Variants in FOXP3 observed in about 807,000 individuals in gnomAD.
FOXP3 encodes the protein forkhead box protein P3.
A neutral mutation model predicts 31.2 loss-of-function variants in FOXP3; 5 were observed. The ratio of observed to expected loss-of-function variants is 0.16; its 90% CI spans 0.08 to 0.34. FOXP3 has a LOEUF of 0.34. Ranked by LOEUF, FOXP3 falls within the 10% of genes least tolerant of loss-of-function variation. The pLI is 1.00. For missense variants in FOXP3, 251 were observed against 363.0 expected (o/e 0.69, Z 2.51); for synonymous variants, 141 against 148.8 (o/e 0.95, Z 0.38).
At chrX:49,257,238 A>AT (rs1557116510) in intron 4 of FOXP3, among the ~76,000 whole-genome samples, 189 bp downstream of exon 4, 3 of 112,266 alleles carry the variant, frequency 2.7e-5, no homozygotes, top group Non-Finnish European at 5.6e-5. Context: ...TGGTTTTGTG[A>AT]TTTTGACATT....
At chrX:49,264,580 CT>C (rs2066129283) in intron 1 of FOXP3, 80 bp downstream of exon 1, 1 of 612,102 alleles carries the variant, frequency 1.6e-6, no homozygotes, top group South Asian at 8.6e-5. Flanking sequence ...CAGAGGGCCC[CT>C]GACCCCCCCG....
chrX:49,256,951 T>C lies in FOXP3; in HGVS notation c.516A>G (p.Pro172=), dbSNP rs2066077701. The C allele has an allele frequency of 2.5e-6, 3 of 1,210,020 alleles. No individual in the cohort carries two copies. The African/African-American group carries it at 5.2e-5, about 21-fold the overall frequency. The change falls in exon 5 of 12, where the codon CCA becomes CCG. Residue 172 remains proline, a synonymous_variant. Coordinates refer to ENST00000376207, the MANE Select transcript of FOXP3 (RefSeq NM_014009.4). ...TGTCCTTCCTGGGTGCACTGGGATT[T>C]GGGAAGGTGCAGAGCAGTGCCGGCT... ...SREPALLCTF[P]NPSAPRKDST... is the part of the protein sequence containing the mutation.
Position 49,257,867 on chromosome X carries a change from T to C in FOXP3, c.211-99A>G, listed in dbSNP as rs1054922263. 25 of 645,502 alleles carry C rather than the reference T, an allele frequency of 3.9e-5. No individual in the cohort carries two copies. In the African/African-American group the frequency reaches 5.2e-4, roughly 13 times the overall value. 53.2% of individuals were successfully genotyped at this position (645,502 alleles called of 1,213,427 possible). On this transcript the variant is annotated intron_variant, in intron 2 of 11. Coordinates refer to ENST00000376207, the MANE Select transcript of FOXP3 (RefSeq NM_014009.4). ...CTGCAAGCCCACATGGTAGATGCTA[T>C]GATCATCCCCCTTTTACACGTATGG... is the stretch of plus-strand genomic sequence containing the variant.
chrX:49,257,653 A>T lies in FOXP3; in HGVS notation c.315+11T>A. 1 of 1,178,022 alleles carries T rather than the reference A, an allele frequency of 8.5e-7. No homozygotes were observed. Among genetic ancestry groups the T allele is most frequent in the Non-Finnish European group, 1.1e-6 (1 of 877,878 alleles). ...CCTGCTCCCTCCTCCCTGCCCATTC[A>T]CCGTCCATACCTGGTGCATGAAATG... On this transcript the variant is annotated intron_variant, in intron 3 of 11. Coordinates refer to ENST00000376207, the MANE Select transcript of FOXP3 (RefSeq NM_014009.4).
At chrX:49,258,722 AC>A (rs2066092230) in intron 1 of FOXP3, among the ~76,000 whole-genome samples, 195 bp from the exon 2 acceptor site, 1 of 111,331 alleles carries the variant, frequency 9.0e-6, no homozygotes, top group African/African-American at 3.3e-5. Context: ...GAACACAGGT[AC>A]ATGTACATAC....
intron 1 of FOXP3, chrX:49,259,381 G>C: frequency 2.0e-6 from 1 of 491,900 alleles, no homozygotes; most frequent in Non-Finnish European, 3.7e-6. Flanking sequence ...GTCCAGGAGT[G>C]TGATCATGCA....
chrX:49,255,889 G>C, intron 6 of FOXP3, 87 bp from the exon 7 acceptor site: 1 of 828,113 alleles, frequency 1.2e-6, no homozygotes, highest in Non-Finnish European at 1.8e-6. Context: ...AGACCCTCTG[G>C]GAGTTCTCTC....
chrX:49,254,182 A>G (rs2066052981), intron 8 of FOXP3, 115 bp from the exon 9 acceptor site: 1 of 900,081 alleles, frequency 1.1e-6, no homozygotes, highest in Admixed American at 3.3e-5. Context: ...CCCAGGCTGG[A>G]GTGCAGTGGT....
In FOXP3 at chrX:49,250,797, T is replaced by A; in HGVS notation, c.*537A>T. On this transcript the variant is annotated 3_prime_UTR_variant, in exon 12 of 12. Transcript: ENST00000376207. ...TCTGGGCACACCCCTGTGTTGACAG[T>A]GCCCCTGTGGGCCCTGAGGCTGGCT... The A allele has an allele frequency of 4.3e-6, 1 of 232,044 alleles. No homozygotes were observed. The highest frequency in any genetic ancestry group is 7.9e-6 in the Non-Finnish European group (1 of 126,238). 19.1% of individuals were successfully genotyped at this position (232,044 alleles called of 1,213,427 possible).
chrX:49,252,904 T>C (rs1186371601), intron 10 of FOXP3, among the ~76,000 whole-genome samples: 1 of 109,981 alleles, frequency 9.1e-6, no homozygotes, highest in Non-Finnish European at 1.9e-5. Context: ...TTTGGCATGC[T>C]CTGGCCTGGA....
chrX:49,255,220 T>TA (rs2066061491), intron 8 of FOXP3, among the ~76,000 whole-genome samples: 1 of 112,599 alleles, frequency 8.9e-6, no homozygotes. Flanking sequence ...GTGCTGGGAT[T>TA]ACAGGCGTGA....
rs1557115621 is a variant in FOXP3, at chrX:49,251,771, A to G, written c.1045-6T>C. 1.7e-6 allele frequency: 2 copies of G among 1,199,278 alleles called. No homozygotes were observed. Among genetic ancestry groups the G allele is most frequent in the East Asian group, 5.9e-5 (2 of 33,802 alleles). On this transcript the variant is annotated splice_polypyrimidine_tract_variant and splice_region_variant and intron_variant, in intron 10 of 11. Transcript: ENST00000376207. ...TCTGGAGCCTCCAGGATGGCCTGGA[A>G]GTTGGGGGGTGGGGTAAGGGGCACA...
Position 49,251,302 on chromosome X carries a change from G to A in FOXP3, c.*32C>T. 1.7e-6 allele frequency: 2 copies of A among 1,200,226 alleles called. No homozygotes were observed. Among genetic ancestry groups the A allele is most frequent in the Non-Finnish European group, 2.2e-6 (2 of 889,217 alleles). On this transcript the variant is annotated 3_prime_UTR_variant, in exon 12 of 12. Transcript: ENST00000376207. ...TCTGCCTCCCACCAGTTTGGCCCCT[G>A]TTCGTCCATCCTCCTTTCCTTGATC... is the stretch of plus-strand genomic sequence containing the variant.
intron 7 of FOXP3, 41 bp downstream of exon 7, chrX:49,255,674 G>T: frequency 8.6e-7 from 1 of 1,168,440 alleles, no homozygotes; most frequent in Non-Finnish European, 1.2e-6. Flanking sequence ...AAGGTTTTGC[G>T]CACTATCCCT....
At chrX:49,259,545 C>T (rs1452879634) in intron 1 of FOXP3, among the ~76,000 whole-genome samples, 1 of 110,701 alleles carries the variant, frequency 9.0e-6, no homozygotes, top group Non-Finnish European at 1.9e-5. Context: ...CAAATGCCCA[C>T]TCCTTCTCCT....
chrX:49,252,937 C>T (rs904377608), intron 10 of FOXP3, among the ~76,000 whole-genome samples, 189 bp downstream of exon 10: 1 of 109,407 alleles, frequency 9.1e-6, no homozygotes, highest in East Asian at 2.9e-4. Flanking sequence ...TTTGGATTTG[C>T]GGACAGGTTT....
At chrX:49,256,220 AAGAGAGAGAGAGAG>A (rs782303757) in intron 6 of FOXP3, among the ~76,000 whole-genome samples, 938 of 67,004 alleles carry the variant, frequency 0.014, 30 homozygotes, top group African/African-American at 0.063. Flanking sequence ...GAGAGAGAGA[AAGAGAGAGAGAGAG>A]AGAGAGAGAG....
At chrX:49,254,667 T>C (rs1402573619) in intron 8 of FOXP3, among the ~76,000 whole-genome samples, 1 of 111,773 alleles carries the variant, frequency 8.9e-6, no homozygotes, top group African/African-American at 3.3e-5. Flanking sequence ...TCCTCATCTG[T>C]ACATTCGCAT....
At chrX:49,254,707 G>A (rs1557116033) in intron 8 of FOXP3, among the ~76,000 whole-genome samples, 3 of 111,290 alleles carry the variant, frequency 2.7e-5, no homozygotes, top group Non-Finnish European at 3.8e-5. Flanking sequence ...CCAGCAAAGC[G>A]CTCAGAAACA....
Sources: gnomAD v4.1 joint callset for allele counts (sites outside exome capture counted in the v4.1 genomes callset) on GRCh38, gnomAD v4.1.1 for gene constraint, MANE v1.5 for transcripts, NCBI Gene and HGNC (gene_info 2026-07-23, HGNC 2026-07-21) for gene names.